Variants in ADAMTSL3 observed in about 807,000 individuals in gnomAD.
ADAMTSL3 encodes ADAMTS like 3.
In ADAMTSL3, 128 loss-of-function variants were observed where a neutral mutation model predicts 201.7. That is an observed-to-expected ratio of 0.63 (90% CI 0.55 to 0.73). The LOEUF (loss-of-function observed/expected upper bound fraction) is 0.73, where lower values mean the gene tolerates loss of function less well. Among genes scored for constraint, ADAMTSL3 ranks in the 30% least tolerant of loss-of-function variants. ADAMTSL3 has a pLI of 0.00. For synonymous variants in ADAMTSL3, 738 were observed against 748.4 expected, an observed-to-expected ratio of 0.99 and a Z score of 0.23; for missense variants, 1,990 against 2,119.6, an observed-to-expected ratio of 0.94 and a Z score of 1.20.
intron 5 of ADAMTSL3, among the ~76,000 whole-genome samples, chr15:83,811,007 G>A (rs1263762368): frequency 6.6e-6 from 1 of 152,108 alleles, no homozygotes; most frequent in African/African-American, 2.4e-5. Flanking sequence ...CCAAAGTGCT[G>A]GGATTACAGG....
intron 7 of ADAMTSL3, among the ~76,000 whole-genome samples, chr15:83,847,264 C>T (rs2064517563): frequency 6.6e-6 from 1 of 152,138 alleles, no homozygotes; most frequent in African/African-American, 2.4e-5. Context: ...TTTGCTTTTT[C>T]TACTTTTGCT....
intron 2 of ADAMTSL3, among the ~76,000 whole-genome samples, chr15:83,687,421 A>G (rs1032310842): frequency 6.6e-6 from 1 of 152,174 alleles, no homozygotes; most frequent in Non-Finnish European, 1.5e-5. Flanking sequence ...GACTAGCTGC[A>G]TTTAGAATGT....
intron 4 of ADAMTSL3, among the ~76,000 whole-genome samples, chr15:83,794,661 T>TG (rs983821376): frequency 1.2e-4 from 17 of 147,072 alleles, no homozygotes; most frequent in Non-Finnish European, 2.1e-4. Context: ...GAGGATAGGG[T>TG]GGGGGGGAGG....
At chr15:83,839,995 TAGG>T in intron 7 of ADAMTSL3, among the ~76,000 whole-genome samples, 1 of 152,194 alleles carries the variant, frequency 6.6e-6, no homozygotes, top group South Asian at 2.1e-4. Flanking sequence ...TGAAACATGC[TAGG>T]TTATCATGGC....
At chr15:83,770,011 T>C (rs919378495) in intron 3 of ADAMTSL3, among the ~76,000 whole-genome samples, 31 of 152,090 alleles carry the variant, frequency 2.0e-4, no homozygotes, top group African/African-American at 7.5e-4. Flanking sequence ...TTGTTTTTAA[T>C]TAAGGTATGA....
intron 13 of ADAMTSL3, among the ~76,000 whole-genome samples, chr15:83,896,282 G>A (rs1313206114): frequency 6.6e-6 from 1 of 152,198 alleles, no homozygotes; most frequent in Non-Finnish European, 1.5e-5. Flanking sequence ...AGAACCCTCA[G>A]CCCCTCCCTG....
intron 3 of ADAMTSL3, among the ~76,000 whole-genome samples, chr15:83,745,832 A>G (rs2062536248): frequency 6.6e-6 from 1 of 152,218 alleles, no homozygotes. Flanking sequence ...GAATAAATGC[A>G]ATCTCATAAG....
chr15:83,833,507 G>C (rs1219529081), intron 6 of ADAMTSL3, among the ~76,000 whole-genome samples: 1 of 152,202 alleles, frequency 6.6e-6, no homozygotes, highest in Non-Finnish European at 1.5e-5. Flanking sequence ...CTCTGCATAT[G>C]AATTTTGGGT....
chr15:83,864,686 C>T (rs977582930), intron 8 of ADAMTSL3, among the ~76,000 whole-genome samples: 2 of 152,180 alleles, frequency 1.3e-5, no homozygotes, highest in Non-Finnish European at 2.9e-5. Flanking sequence ...TGGAAGCATT[C>T]CCTTTGAAAA....
At chr15:83,744,787 G>A (rs1468613746) in intron 3 of ADAMTSL3, among the ~76,000 whole-genome samples, 1 of 152,222 alleles carries the variant, frequency 6.6e-6, no homozygotes, top group East Asian at 1.9e-4. Context: ...TCAGTGGTTT[G>A]TCAGCAGGAC....
At chr15:83,694,673 T>C (rs1489747030) in intron 2 of ADAMTSL3, among the ~76,000 whole-genome samples, 2 of 152,152 alleles carry the variant, frequency 1.3e-5, no homozygotes, top group Non-Finnish European at 2.9e-5. Flanking sequence ...GAGGAATAGT[T>C]GAGTTTTTAA....
chr15:83,669,641 TG>T (rs2061300983), intron 2 of ADAMTSL3, among the ~76,000 whole-genome samples: 1 of 151,132 alleles, frequency 6.6e-6, no homozygotes, highest in Non-Finnish European at 1.5e-5. Flanking sequence ...CTAATTTTTT[TG>T]TATTTTTAGT....
intron 27 of ADAMTSL3, among the ~76,000 whole-genome samples, chr15:84,030,516 T>G (rs1266860748): frequency 2.0e-5 from 3 of 152,198 alleles, no homozygotes; most frequent in African/African-American, 4.8e-5. Context: ...GGTGTATTTA[T>G]CCACTGCCTG....
rs2141341899 is a variant in ADAMTSL3 at position 83,654,826 on chromosome 15, G to GGCCGCCTCCCTTCAGCCAGGAGTC, written c.-34+559_-34+582dup. On this transcript the variant is annotated intron_variant, in intron 1 of 29. Transcript: ENST00000286744. The surrounding 1 kb of genome is among the most constrained non-coding windows in gnomAD (Gnocchi z 5.3). ...GCGCAGAGTCCCAGGGCCCCGCACT[G>GGCCGCCTCCCTTCAGCCAGGAGTC]GCCGCCTCCCTTCAGCCAGGAGTCG... is the stretch of plus-strand genomic sequence containing the variant. Among the ~76,000 whole-genome samples the GGCCGCCTCCCTTCAGCCAGGAGTC allele has an allele frequency of 6.6e-6, 1 of 152,264 alleles. No homozygotes were observed. Among genetic ancestry groups the GGCCGCCTCCCTTCAGCCAGGAGTC allele is most frequent in the African/African-American group, 2.4e-5 (1 of 41,572 alleles).
At chr15:83,836,283 A>G (rs753981747) in intron 6 of ADAMTSL3, among the ~76,000 whole-genome samples, 1 of 152,198 alleles carries the variant, frequency 6.6e-6, no homozygotes, top group Admixed American at 6.5e-5. Context: ...AAACTTTCTC[A>G]TATTGAACCA....
At chr15:83,826,113 A>AT (rs144121904) in intron 6 of ADAMTSL3, among the ~76,000 whole-genome samples, 55 of 149,480 alleles carry the variant, frequency 3.7e-4, no homozygotes, top group Non-Finnish European at 5.1e-4. Flanking sequence ...TTAAGGATGT[A>AT]TTTTTTTTTT....
chr15:83,985,329 C>A (rs979345130), intron 21 of ADAMTSL3, among the ~76,000 whole-genome samples: 5 of 152,082 alleles, frequency 3.3e-5, no homozygotes, highest in Admixed American at 6.6e-5. Flanking sequence ...CCTTTTTCAT[C>A]ATTGGCAACA....
intron 7 of ADAMTSL3, among the ~76,000 whole-genome samples, chr15:83,841,528 G>C (rs2064373251): frequency 1.3e-5 from 2 of 152,160 alleles, no homozygotes; most frequent in Admixed American, 1.3e-4. Context: ...CTGTTATCAG[G>C]ATTTAAAAGA....
At chr15:83,883,616 C>T (rs996694900) in intron 9 of ADAMTSL3, among the ~76,000 whole-genome samples, 3 of 150,212 alleles carry the variant, frequency 2.0e-5, no homozygotes, top group Admixed American at 6.6e-5. Flanking sequence ...AGTGCAGTGG[C>T]GTGATCATGG....
Sources: gnomAD v4.1 joint callset for allele counts (sites outside exome capture counted in the v4.1 genomes callset) on GRCh38, gnomAD v4.1.1 for gene constraint, Gnocchi (gnomAD v3.1) non-coding constraint, MANE v1.5 for transcripts, NCBI Gene and HGNC (gene_info 2026-07-23, HGNC 2026-07-21) for gene names.